Variants in MAP2K6 observed in about 807,000 individuals in gnomAD.
The protein encoded by MAP2K6 is mitogen-activated protein kinase kinase 6.
MAP2K6 carries 16 observed loss-of-function variants against 53.7 expected under a neutral mutation model. That is an observed-to-expected ratio of 0.30 (90% confidence interval 0.20 to 0.45). The LOEUF (loss-of-function observed/expected upper bound fraction) is 0.45. MAP2K6 is among the 20% of genes least tolerant of loss of function. The pLI is 1.00. For missense variants in MAP2K6, 204 were observed against 411.9 expected, an observed-to-expected ratio of 0.50 and a Z score of 4.37; for synonymous variants, 132 against 143.1, an observed-to-expected ratio of 0.92 and a Z score of 0.55.
intron 1 of MAP2K6, among the ~76,000 whole-genome samples, chr17:69,436,514 G>A (rs1043648195): frequency 1.3e-5 from 2 of 152,176 alleles, no homozygotes; most frequent in Admixed American, 6.5e-5. Context: ...TGCCTGGCAC[G>A]TAGTAGGTGG....
intron 1 of MAP2K6, among the ~76,000 whole-genome samples, chr17:69,484,952 C>T (rs1908475718): frequency 6.6e-6 from 1 of 151,964 alleles, no homozygotes; most frequent in South Asian, 2.1e-4. Context: ...GAGGGAGTGA[C>T]TGATAATGGG....
intron 2 of MAP2K6, among the ~76,000 whole-genome samples, chr17:69,512,328 GTTTTTTTTTTGTT>G (rs1323769454): frequency 2.1e-4 from 16 of 75,206 alleles, no homozygotes; most frequent in Non-Finnish European, 3.2e-4. Flanking sequence ...CTTTCTAAGT[GTTTTTTTTTTGTT>G]TTTTTTTTTT....
At chr17:69,516,213 C>T (rs1210082604) in intron 2 of MAP2K6, among the ~76,000 whole-genome samples, 1 of 151,916 alleles carries the variant, frequency 6.6e-6, no homozygotes, top group African/African-American at 2.4e-5. Flanking sequence ...TGTTATCCTG[C>T]AACTAGATGG....
At chr17:69,418,649 A>G (rs891685877) in intron 1 of MAP2K6, among the ~76,000 whole-genome samples, 4 of 152,164 alleles carry the variant, frequency 2.6e-5, no homozygotes, top group African/African-American at 9.6e-5. Context: ...ATATATTTCT[A>G]CATTCATAGT....
intron 2 of MAP2K6, among the ~76,000 whole-genome samples, chr17:69,511,316 A>G (rs1485509550): frequency 2.6e-5 from 4 of 152,120 alleles, no homozygotes; most frequent in Non-Finnish European, 4.4e-5. Context: ...TTGTACTCCT[A>G]AAGAAGTAGC....
chr17:69,422,038 G>A (rs1906099922), intron 1 of MAP2K6, among the ~76,000 whole-genome samples: 1 of 151,084 alleles, frequency 6.6e-6, no homozygotes, highest in South Asian at 2.1e-4. Context: ...GGTTCAGTAT[G>A]TAGTCCATAA....
At chr17:69,523,060 G>A (rs1910564933) in intron 7 of MAP2K6, among the ~76,000 whole-genome samples, 2 of 152,142 alleles carry the variant, frequency 1.3e-5, no homozygotes, top group Non-Finnish European at 2.9e-5. Flanking sequence ...ACCTTATCTT[G>A]AAGAAAAAAC....
intron 6 of MAP2K6, 116 bp from the exon 7 acceptor site, chr17:69,520,916 GATAGGACCACCACTATT>G: frequency 1.6e-6 from 1 of 633,280 alleles, no homozygotes. Context: ...TATTTTCCTA[GATAGGACCACCACTATT>G]TGAGAAAATA....
chr17:69,431,170 G>A (rs1906450939), intron 1 of MAP2K6, among the ~76,000 whole-genome samples: 2 of 152,128 alleles, frequency 1.3e-5, no homozygotes, highest in Non-Finnish European at 2.9e-5. Context: ...CAACTTTGGT[G>A]CATAACTTGT....
chr17:69,480,654 T>C (rs1034745661), intron 1 of MAP2K6, among the ~76,000 whole-genome samples: 2 of 152,138 alleles, frequency 1.3e-5, no homozygotes, highest in Non-Finnish European at 2.9e-5. Flanking sequence ...TTGGGAAGCA[T>C]GGGAATGATT....
At chr17:69,467,055 G>T (rs1219746549) in intron 1 of MAP2K6, among the ~76,000 whole-genome samples, 1 of 152,196 alleles carries the variant, frequency 6.6e-6, no homozygotes, top group Admixed American at 6.5e-5. Context: ...ATTACAATAA[G>T]AATTGGTAAT....
chr17:69,442,554 A>G (rs1906853595), intron 1 of MAP2K6, among the ~76,000 whole-genome samples: 2 of 152,226 alleles, frequency 1.3e-5, no homozygotes, highest in Non-Finnish European at 2.9e-5. Context: ...GCCTGTGGAC[A>G]TTAAATCATC....
At chr17:69,532,648 C>T (rs1911141939) in intron 10 of MAP2K6, among the ~76,000 whole-genome samples, 1 of 152,064 alleles carries the variant, frequency 6.6e-6, no homozygotes, top group Non-Finnish European at 1.5e-5. Context: ...TATTCTTAGC[C>T]CATGTTTTGA....
rs151081491 is a variant in MAP2K6 at position 69,466,868 on chromosome 17, A to G, written c.17-38912A>G. Among the ~76,000 whole-genome samples, 13 of 152,280 alleles carry G rather than the reference A, an allele frequency of 8.5e-5. No homozygotes were observed. The East Asian group carries it at 1.4e-3, about 16-fold the overall frequency. ...AGTTAAATAGGCTTTTGTTGGGCTG[A>G]TGGTGGAGGCTCCCCATTGAAATAT... On this transcript the variant is annotated intron_variant, in intron 1 of 11. Coordinates refer to ENST00000590474, the MANE Select transcript of MAP2K6 (RefSeq NM_002758.4).
At chr17:69,484,850 A>G (rs11652706) in intron 1 of MAP2K6, among the ~76,000 whole-genome samples, 21,841 of 152,156 alleles carry the variant, frequency 0.14, 1,784 homozygotes, top group Non-Finnish European at 0.18. Flanking sequence ...TAATTTCATT[A>G]TATGAAATAT....
chr17:69,505,692 G>C, intron 1 of MAP2K6, 88 bp from the exon 2 acceptor site: 1 of 1,010,490 alleles, frequency 9.9e-7, no homozygotes. Context: ...TGCCTGTGCA[G>C]GTCAGCTCTT....
At chr17:69,479,719 CTTTT>C (rs557461445) in intron 1 of MAP2K6, among the ~76,000 whole-genome samples, 2 of 137,226 alleles carry the variant, frequency 1.5e-5, no homozygotes, top group Non-Finnish European at 1.6e-5. Flanking sequence ...TCCTTTTGTT[CTTTT>C]TTTTTTTTTT....
At chr17:69,457,204 C>T (rs1907441996) in intron 1 of MAP2K6, among the ~76,000 whole-genome samples, 1 of 152,216 alleles carries the variant, frequency 6.6e-6, no homozygotes, top group Non-Finnish European at 1.5e-5. Flanking sequence ...CAGATCAAAG[C>T]ATGGCCCCTG....
At chr17:69,459,709 C>CAAAA (rs71144694) in intron 1 of MAP2K6, among the ~76,000 whole-genome samples, 7 of 55,914 alleles carry the variant, frequency 1.3e-4, no homozygotes, top group African/African-American at 4.1e-4. Flanking sequence ...GACTCTGTCT[C>CAAAA]AAAAAAAAAA....
Sources: allele counts gnomAD v4.1 joint callset (sites outside exome capture counted in the v4.1 genomes callset), GRCh38; gene constraint gnomAD v4.1.1; transcripts MANE v1.5; gene names NCBI Gene and HGNC (gene_info 2026-07-23, HGNC 2026-07-21).